Variants in PTPN23 observed in about 807,000 individuals in gnomAD.
PTPN23 encodes the protein protein tyrosine phosphatase non-receptor type 23, also known as tyrosine-protein phosphatase non-receptor type 23.
In PTPN23, 72 loss-of-function variants were observed where a neutral mutation model predicts 156.3. That is an observed-to-expected ratio of 0.46 (90% CI 0.38 to 0.56). The LOEUF (loss-of-function observed/expected upper bound fraction) is 0.56, where lower values mean the gene tolerates loss of function less well. PTPN23 is among the 20% of genes least tolerant of loss of function. The probability of loss-of-function intolerance (pLI) is 0.00; values close to 1 mark genes in which losing one functional copy is unlikely to be tolerated. For synonymous variants in PTPN23, 957 were observed against 899.6 expected (o/e 1.06, Z -1.14); for missense variants, 1,974 against 2,171.5 (o/e 0.91, Z 1.81).
In PTPN23 at chr3:47,406,619, G is replaced by T. The variant is rs773866330; in HGVS notation, c.759+7G>T. 2 of 1,613,846 alleles carry T rather than the reference G, an allele frequency of 1.2e-6. No homozygotes were observed. The highest frequency in any genetic ancestry group is 1.1e-5 in the South Asian group (1 of 91,084). On this transcript the variant is annotated splice_region_variant and intron_variant, in intron 8 of 24. Coordinates refer to ENST00000265562, the MANE Select transcript of PTPN23 (RefSeq NM_015466.4). The surrounding 1 kb of genome is among the most constrained non-coding windows in gnomAD (Gnocchi z 5.8). ...CTTCGCAGCCGTGGCTCATGTGAGG[G>T]CCTGGGGCCCCAGGGCGGGGCAGGG...
rs368662085 is a variant in PTPN23, at chr3:47,408,794, C to T, written c.1349C>T (p.Thr450Met). ...QSMQVLSGVF[T>M]DVEASLKDIR... ...ACCCCAGTGCTGTCAGGTGTGTTCA[C>T]GGATGTGGAGGCTTCCCTGAAGGAC... Residue 450 changes from threonine (T) to methionine (M), a missense_variant, in exon 16 of 25, where the codon ACG becomes ATG. Transcript: ENST00000265562. The T allele has an allele frequency of 8.0e-5, 128 of 1,600,250 alleles. 1 individual carries two copies. The East Asian group carries it at 1.8e-3, about 23-fold the overall frequency.
At chr3:47,408,744 T>G (rs1244053033) in intron 15 of PTPN23, 32 bp from the exon 16 acceptor site, 1 of 1,555,208 alleles carries the variant, frequency 6.4e-7, no homozygotes, top group Non-Finnish European at 8.7e-7. Flanking sequence ...TCAGCCTGCC[T>G]CAGGGGCTGC....
Position 47,413,251 on chromosome 3 carries a change from A to C in PTPN23, c.*66A>C, listed in dbSNP as rs549311683. 6.5e-7 allele frequency: 1 copy of C among 1,538,818 alleles called. No homozygotes were observed. The highest frequency in any genetic ancestry group is 1.4e-5 in the African/African-American group (1 of 72,984). On this transcript the variant is annotated 3_prime_UTR_variant, in exon 25 of 25. Transcript: ENST00000265562. The stretch of plus-strand genomic sequence containing the variant: ...ATCTCATGCCCACCTGCCCACACCC[A>C]GCAGAGCTTCTCAGTGGGCACAGTC...
Position 47,404,648 on chromosome 3 carries a change from C to T in PTPN23, c.160-4C>T. On this transcript the variant is annotated splice_polypyrimidine_tract_variant and splice_region_variant and intron_variant, in intron 2 of 24. Coordinates refer to ENST00000265562, the MANE Select transcript of PTPN23 (RefSeq NM_015466.4). ...AGGCCTGCTTCTCCCATCCTGCCCC[C>T]CAGAATGCTGTCCGTGTCCCACGAG... 6.2e-7 allele frequency: 1 copy of T among 1,613,486 alleles called. No homozygotes were observed. Among genetic ancestry groups the T allele is most frequent in the South Asian group, 1.1e-5 (1 of 91,080 alleles).
At chr3:47,392,562 G>A (rs1284274526) in intron 1 of PTPN23, among the ~76,000 whole-genome samples, 2 of 152,062 alleles carry the variant, frequency 1.3e-5, no homozygotes, top group African/African-American at 2.4e-5. Flanking sequence ...GTGGAGAGGG[G>A]GTGGAGTTGG....
chr3:47,381,204 C>G (rs988627514), intron 1 of PTPN23, 24 bp downstream of exon 1: 1 of 1,561,932 alleles, frequency 6.4e-7, no homozygotes, highest in Non-Finnish European at 8.7e-7. Flanking sequence ...CCATCTTCCC[C>G]CCTATCCGCC....
Position 47,396,149 on chromosome 3 carries a change from C to T in PTPN23, c.91C>T (p.Leu31=). 6.2e-7 allele frequency: 1 copy of T among 1,612,226 alleles called. No homozygotes were observed. Among genetic ancestry groups the T allele is most frequent in the Non-Finnish European group, 8.5e-7 (1 of 1,178,936 alleles). The change falls in exon 2 of 25, where the codon CTG becomes TTG. Residue 31 remains leucine, a synonymous_variant. Coordinates refer to ENST00000265562, the MANE Select transcript of PTPN23 (RefSeq NM_015466.4). ...HFQPAVKKFV[L]KNYGENPEAY... Reference sequence around the variant, plus strand: ...TGTTCTTCTCTCTCTGTAGTTTGTCCTGAAGAATTATGGAGAGAACCCAGA... The same window carrying T: ...TGTTCTTCTCTCTCTGTAGTTTGTCTTGAAGAATTATGGAGAGAACCCAGA...
rs201374534 is a variant in PTPN23 at position 47,409,711 on chromosome 3, T to C, written c.2006T>C (p.Met669Thr). 16 of 1,608,488 alleles carry C rather than the reference T, an allele frequency of 9.9e-6. No homozygotes were observed. The African/African-American group carries it at 2.1e-4, about 21-fold the overall frequency. ...VASYEAYEDL[M>T]KKSQEGRDFY... Reference sequence around the variant, plus strand: ...TCGTATGAAGCCTATGAGGACCTGATGAAGAAGTCGCAGGAGGGCAGGGAC... The same window carrying C: ...TCGTATGAAGCCTATGAGGACCTGACGAAGAAGTCGCAGGAGGGCAGGGAC... The change falls in exon 19 of 25, where the codon ATG becomes ACG. Residue 669 changes from methionine to threonine, a missense_variant. By Grantham distance (81) the Met-to-Thr change is moderately conservative. This residue lies in a region of PTPN23 where 726 missense variants were observed against 929.5 expected (regional missense o/e 0.78). Transcript: ENST00000265562.
At position 47,409,670 on chromosome 3, in the gene PTPN23, G is replaced by A. The variant is rs765220887; in HGVS notation, c.1965G>A (p.Leu655=). ...SDLDQKWNST[L]QTLVASYEAY... ...TGCCCACCAGGTGGAACTCCACGCT[G>A]CAGACCCTGGTGGCCTCGTATGAAG... The change falls in exon 19 of 25, where the codon CTG becomes CTA. Residue 655 remains leucine (L), a synonymous_variant. Coordinates refer to ENST00000265562, the MANE Select transcript of PTPN23 (RefSeq NM_015466.4). 1.9e-6 allele frequency: 3 copies of A among 1,611,668 alleles called. No homozygotes were observed. The East Asian group carries it at 6.7e-5, about 36-fold the overall frequency.
chr3:47,410,942 ACT>A lies in PTPN23; in HGVS notation c.3145_3146del (p.Leu1049GlyfsTer32). On this transcript the variant is annotated frameshift_variant, in exon 20 of 25. Transcript: ENST00000265562. LOFTEE classifies it high-confidence loss of function. ...GGCCCCCTCAGCCTCCCCATCCCCC[ACT>A]GGCATATGGTCCTGCCCCTTCTACC... is the stretch of plus-strand genomic sequence containing the variant. ...PGPPQPPHPP[L>X]AYGPAPSTRP... 1 of 1,345,532 alleles carries A rather than the reference ACT, an allele frequency of 7.4e-7. No homozygotes were observed. The highest frequency in any genetic ancestry group is 9.7e-7 in the Non-Finnish European group (1 of 1,028,632). The allele number at this position is 1,345,532 out of a possible 1,614,324, so 83.3% of individuals were successfully genotyped here. A position where few individuals can be genotyped will look rare whatever the true frequency, so the allele number is the denominator to read the frequency against.
chr3:47,386,047 C>T (rs1175516603), intron 1 of PTPN23, among the ~76,000 whole-genome samples: 1 of 152,212 alleles, frequency 6.6e-6, no homozygotes, highest in East Asian at 1.9e-4. Context: ...TTAGGGTCCT[C>T]TCAGCCACCC....
chr3:47,395,724 T>C (rs1704864111), intron 1 of PTPN23, among the ~76,000 whole-genome samples: 1 of 152,242 alleles, frequency 6.6e-6, no homozygotes, highest in Non-Finnish European at 1.5e-5. Context: ...GTTCCCACTC[T>C]TGTTTGGTGC....
At chr3:47,388,032 C>T (rs1704690260) in intron 1 of PTPN23, among the ~76,000 whole-genome samples, 1 of 152,164 alleles carries the variant, frequency 6.6e-6, no homozygotes, top group Non-Finnish European at 1.5e-5. Context: ...AATAGCATAG[C>T]TATTGGAATC....
At position 47,412,983 on chromosome 3, in the gene PTPN23, C is replaced by G. The variant is rs145450943; in HGVS notation, c.4709C>G (p.Ser1570Trp). Reference sequence around the variant, plus strand: ...CCGCCAGTGCCTGAAGCCCCCAGCTCGGGGCCCCCCTCCTCCTCCCTGGAA... The same window carrying G: ...CCGCCAGTGCCTGAAGCCCCCAGCTGGGGGCCCCCCTCCTCCTCCCTGGAA... The part of the protein sequence containing the change: ...EEPPVPEAPS[S>W]GPPSSSLELL... Residue 1570 changes from serine (S) to tryptophan (W), a missense_variant, in exon 25 of 25, where the codon TCG (serine) becomes TGG (tryptophan). Coordinates refer to ENST00000265562, the MANE Select transcript of PTPN23 (RefSeq NM_015466.4). 7 of 1,610,830 alleles carry G rather than the reference C, an allele frequency of 4.3e-6. No individual in the cohort carries two copies. Among genetic ancestry groups the G allele is most frequent in the Middle Eastern group, 1.6e-4 (1 of 6,078 alleles).
In PTPN23 at chr3:47,383,708, C is replaced by T. The variant is rs117632018; in HGVS notation, c.84+2528C>T. ...TTGAACTTAGCCTTTGCTGCTCTGA[C>T]GATTCACACCGACCCAAAGGGTATT... On this transcript the variant is annotated intron_variant, in intron 1 of 24. Transcript: ENST00000265562. Among the ~76,000 whole-genome samples, 47 of 152,376 alleles carry T rather than the reference C, an allele frequency of 3.1e-4. 1 individual carries two copies. The East Asian group carries it at 8.5e-3, about 27-fold the overall frequency.
In PTPN23 at chr3:47,407,631, C is replaced by T. The variant is rs768625778; in HGVS notation, c.1003+47C>T. 29 of 1,604,172 alleles carry T rather than the reference C, an allele frequency of 1.8e-5. No individual in the cohort carries two copies. The highest frequency in any genetic ancestry group is 2.4e-5 in the Non-Finnish European group (28 of 1,171,424). On this transcript the variant is annotated intron_variant, in intron 12 of 24. Transcript: ENST00000265562. This position sits in a 1 kb window ranked among gnomAD's most constrained non-coding sequence, Gnocchi z 4.0. ...GGCAGAGGTGACGGTGGGGTGGGGACAGGACACAGGAGGCTGCCTCAAGGA... is the reference window on the plus strand; with the variant it reads ...GGCAGAGGTGACGGTGGGGTGGGGATAGGACACAGGAGGCTGCCTCAAGGA...
chr3:47,385,829 G>A (rs979285370), intron 1 of PTPN23, among the ~76,000 whole-genome samples: 3 of 152,300 alleles, frequency 2.0e-5, no homozygotes, highest in Non-Finnish European at 4.4e-5. Flanking sequence ...CACTCTGGCT[G>A]AGTTGATCTC....
rs770528531 is a variant in PTPN23, at chr3:47,411,129, C to T, written c.3331C>T (p.Arg1111Cys). 49 of 1,600,156 alleles carry T rather than the reference C, an allele frequency of 3.1e-5. No homozygotes were observed. The highest frequency in any genetic ancestry group is 3.7e-5 in the Non-Finnish European group (44 of 1,174,852). Residue 1111 changes from arginine to cysteine, a missense_variant, in exon 20 of 25, where the codon CGC becomes TGC. Arg to Cys is a radical substitution (Grantham distance 180). Around this residue, in one of 4 missense-constraint regions of PTPN23, gnomAD observed 731 missense variants for 669.1 expected, o/e 1.09. Coordinates refer to ENST00000265562, the MANE Select transcript of PTPN23 (RefSeq NM_015466.4). This position sits in a 1 kb window ranked among gnomAD's most constrained non-coding sequence, Gnocchi z 6.3. ...AGCAGCAGAACCACCCCCTTGCCTG[C>T]GCCGAGGCGCCGCAGCTGCAGACCT... ...PPAAEPPPCL[R>C]RGAAAADLLS...
chr3:47,408,277 C>A (rs1268077893), intron 14 of PTPN23, 68 bp from the exon 15 acceptor site: 2 of 1,568,616 alleles, frequency 1.3e-6, no homozygotes, highest in East Asian at 4.5e-5. Flanking sequence ...CTTGCCCTAG[C>A]GGCTCCTTTG....
Sources: allele counts gnomAD v4.1 joint callset (sites outside exome capture counted in the v4.1 genomes callset), GRCh38; gene constraint gnomAD v4.1.1; regional missense constraint gnomAD v4.1.1; non-coding constraint Gnocchi (gnomAD v3.1); transcripts MANE v1.5; gene names NCBI Gene and HGNC (gene_info 2026-07-23, HGNC 2026-07-21).